Variants in HS6ST3 observed in about 807,000 individuals in gnomAD.
HS6ST3 encodes heparan-sulfate 6-O-sulfotransferase 3.
Under a neutral mutation model 36.7 loss-of-function variants are expected in HS6ST3, and 12 were observed. That is an observed-to-expected ratio of 0.33 (90% CI 0.21 to 0.53). HS6ST3 has a LOEUF of 0.53. Among genes scored for constraint, HS6ST3 ranks in the 20% least tolerant of loss-of-function variants. HS6ST3 has a pLI of 0.95. For missense variants in HS6ST3, 584 were observed against 640.9 expected (o/e 0.91, Z 0.96); for synonymous variants, 240 against 257.5 (o/e 0.93, Z 0.65).
intron 1 of HS6ST3, among the ~76,000 whole-genome samples, chr13:96,421,244 G>A (rs2055560691): frequency 6.6e-6 from 1 of 152,048 alleles, no homozygotes; most frequent in Non-Finnish European, 1.5e-5. Context: ...TGTAAAAATA[G>A]GATTATCTTT....
At chr13:96,477,502 A>T (rs1036252961) in intron 1 of HS6ST3, among the ~76,000 whole-genome samples, 4 of 152,310 alleles carry the variant, frequency 2.6e-5, no homozygotes, top group African/African-American at 9.6e-5. Context: ...CCTGCCCTAC[A>T]CCTTTGGTTC....
intron 1 of HS6ST3, among the ~76,000 whole-genome samples, chr13:96,193,424 A>C (rs2139347015): frequency 6.6e-6 from 1 of 152,272 alleles, no homozygotes; most frequent in Admixed American, 6.5e-5. Context: ...GAAGTGGTTG[A>C]GTAAAGGCAG....
intron 1 of HS6ST3, among the ~76,000 whole-genome samples, chr13:96,482,882 T>C (rs1840242686): frequency 6.6e-6 from 1 of 152,244 alleles, no homozygotes; most frequent in South Asian, 2.1e-4. Flanking sequence ...CTGACTTCTT[T>C]GATGCATCCC....
chr13:96,735,652 C>T (rs551584319), intron 1 of HS6ST3, among the ~76,000 whole-genome samples: 4 of 152,204 alleles, frequency 2.6e-5, no homozygotes, highest in Non-Finnish European at 4.4e-5. Flanking sequence ...GAGTTCTTTG[C>T]GCTAAACCAA....
chr13:96,634,169 G>T (rs2056541219), intron 1 of HS6ST3, among the ~76,000 whole-genome samples: 2 of 152,294 alleles, frequency 1.3e-5, no homozygotes, highest in East Asian at 1.9e-4. Flanking sequence ...GATGTCTGTT[G>T]TTTTTAAGCC....
chr13:96,209,840 C>T (rs190544166), intron 1 of HS6ST3, among the ~76,000 whole-genome samples: 57 of 152,302 alleles, frequency 3.7e-4, no homozygotes, highest in Middle Eastern at 3.4e-3. Context: ...GTGTGACCTC[C>T]GTATCCAGTA....
intron 1 of HS6ST3, among the ~76,000 whole-genome samples, chr13:96,645,465 G>A (rs1436968333): frequency 1.3e-5 from 2 of 150,654 alleles, no homozygotes; most frequent in African/African-American, 2.4e-5. Flanking sequence ...CTTTTATCTA[G>A]TATCTGTTCC....
chr13:96,351,393 C>T (rs1280522211), intron 1 of HS6ST3, among the ~76,000 whole-genome samples: 2 of 149,332 alleles, frequency 1.3e-5, no homozygotes, highest in Non-Finnish European at 3.0e-5. Context: ...ATGATCATGG[C>T]TTACTGCAGC....
At chr13:96,249,166 C>T (rs1314066114) in intron 1 of HS6ST3, among the ~76,000 whole-genome samples, 1 of 152,140 alleles carries the variant, frequency 6.6e-6, no homozygotes, top group Non-Finnish European at 1.5e-5. Flanking sequence ...CTTTCATATC[C>T]TCCTGTTTCC....
chr13:96,535,225 G>A lies in HS6ST3; in HGVS notation c.708-297265G>A, dbSNP rs72641877. ...TAGAAGAAGGTTTGATTGGGGATTC[G>A]TAGAAGATTATTCTATAGGTATGCG... On this transcript the variant is annotated intron_variant, in intron 1 of 1. Coordinates refer to ENST00000376705, the MANE Select transcript of HS6ST3 (RefSeq NM_153456.4). 5.4e-3 allele frequency among the ~76,000 whole-genome samples: 820 copies of A among 152,084 alleles called. 7 individuals carry two copies. The highest frequency in any genetic ancestry group is 0.02 in the Middle Eastern group (6 of 294).
intron 1 of HS6ST3, among the ~76,000 whole-genome samples, chr13:96,742,384 G>T (rs894065228): frequency 6.6e-6 from 1 of 151,928 alleles, no homozygotes; most frequent in African/African-American, 2.4e-5. Flanking sequence ...ATATTCTTTT[G>T]AATACAAGAA....
At chr13:96,283,120 G>T (rs2054783700) in intron 1 of HS6ST3, among the ~76,000 whole-genome samples, 1 of 152,172 alleles carries the variant, frequency 6.6e-6, no homozygotes, top group Non-Finnish European at 1.5e-5. Context: ...ATACGTTGAT[G>T]ATGGTGATGC....
intron 1 of HS6ST3, among the ~76,000 whole-genome samples, chr13:96,568,735 A>G (rs74107929): frequency 0.018 from 2,780 of 152,310 alleles, 84 homozygotes; most frequent in African/African-American, 0.062. Flanking sequence ...ATTTTAATCT[A>G]TAGTAGCTAT....
intron 1 of HS6ST3, among the ~76,000 whole-genome samples, chr13:96,620,099 T>A (rs923168703): frequency 2.0e-5 from 3 of 152,246 alleles, no homozygotes; most frequent in Non-Finnish European, 2.9e-5. Flanking sequence ...GATGAGGCTA[T>A]CTATCCATTG....
chr13:96,263,370 A>G (rs2389630), intron 1 of HS6ST3, among the ~76,000 whole-genome samples: 69,664 of 152,040 alleles, frequency 0.46, 16,790 homozygotes, highest in Admixed American at 0.57. Flanking sequence ...ATTCACTTAG[A>G]AAGTTTTTCC....
intron 1 of HS6ST3, among the ~76,000 whole-genome samples, chr13:96,340,768 A>C (rs1424481154): frequency 6.6e-6 from 1 of 152,214 alleles, no homozygotes; most frequent in African/African-American, 2.4e-5. Flanking sequence ...ATACTATTCT[A>C]TATAAGAGAT....
At chr13:96,608,110 G>A (rs1169082694) in intron 1 of HS6ST3, among the ~76,000 whole-genome samples, 3 of 152,062 alleles carry the variant, frequency 2.0e-5, no homozygotes, top group African/African-American at 7.2e-5. Context: ...CGTTCATAAT[G>A]ATATTTAAAA....
chr13:96,453,900 G>T (rs1427860282), intron 1 of HS6ST3, among the ~76,000 whole-genome samples: 3 of 152,042 alleles, frequency 2.0e-5, no homozygotes, highest in Non-Finnish European at 4.4e-5. Flanking sequence ...ATATGGAAAA[G>T]GGTTTCTTAA....
chr13:96,652,563 A>G (rs185976367), intron 1 of HS6ST3, among the ~76,000 whole-genome samples: 1 of 152,272 alleles, frequency 6.6e-6, no homozygotes, highest in East Asian at 1.9e-4. Flanking sequence ...AATAACCATC[A>G]TCACCTTGTG....
Sources: gnomAD v4.1 joint callset for allele counts (sites outside exome capture counted in the v4.1 genomes callset) on GRCh38, gnomAD v4.1.1 for gene constraint, MANE v1.5 for transcripts, NCBI Gene and HGNC (gene_info 2026-07-23, HGNC 2026-07-21) for gene names.